The following ANXA8 variants were observed in gnomAD, a reference collection of about 807,000 sequenced individuals.
The protein encoded by ANXA8 is VAC-beta.
In ANXA8, 9 loss-of-function variants were observed where a neutral mutation model predicts 26.8. The observed-to-expected ratio is 0.34, with a 90% CI of 0.20 to 0.59. The LOEUF (loss-of-function observed/expected upper bound fraction) is 0.59. Ranked by LOEUF, ANXA8 falls within the 20% of genes least tolerant of loss-of-function variation. The pLI is 0.84. For synonymous variants in ANXA8, 39 were observed against 94.8 expected (o/e 0.41, Z 3.42); for missense variants, 83 against 238.5 (o/e 0.35, Z 4.29).
At chr10:47,975,915 A>AC in the ANXA8 span, among the ~76,000 whole-genome samples, 1 of 146,722 alleles carries the variant, frequency 6.8e-6, no homozygotes, top group Non-Finnish European at 1.5e-5. Context: ...ACTATGGAAT[A>AC]GAAAAAAACT....
the ANXA8 span, among the ~76,000 whole-genome samples, chr10:47,551,327 G>A: frequency 2.7e-4 from 41 of 150,936 alleles, no homozygotes; most frequent in Admixed American, 2.4e-3. Context: ...AAGGCTGCTG[G>A]AAGGATTTAG....
At chr10:47,698,836 A>T in the ANXA8 span, among the ~76,000 whole-genome samples, 263 of 151,936 alleles carry the variant, frequency 1.7e-3, 1 homozygote, top group South Asian at 6.8e-3. Flanking sequence ...CTCAAAAAAA[A>T]TTTTTTTCTT....
the ANXA8 span, among the ~76,000 whole-genome samples, chr10:47,533,220 CA>C: frequency 9.3e-4 from 132 of 141,806 alleles, 4 homozygotes; most frequent in African/African-American, 3.2e-3. Flanking sequence ...CACACACACA[CA>C]CACCCCCGCA....
the ANXA8 span, among the ~76,000 whole-genome samples, chr10:47,937,397 G>GT: frequency 2.0e-5 from 3 of 148,888 alleles, no homozygotes; most frequent in Non-Finnish European, 3.0e-5. Context: ...AGAGTCCATG[G>GT]TTTTTTTAAA....
chr10:47,623,733 CAT>C, the ANXA8 span, among the ~76,000 whole-genome samples: 1 of 110,310 alleles, frequency 9.1e-6, no homozygotes, highest in Non-Finnish European at 2.0e-5. Flanking sequence ...GCACTTATTT[CAT>C]ATCTCTTTTC....
chr10:47,513,565 A>G, the ANXA8 span, among the ~76,000 whole-genome samples: 3 of 141,330 alleles, frequency 2.1e-5, 1 homozygote, highest in Non-Finnish European at 1.5e-5. Context: ...CCAAACAAGA[A>G]CCGGCACAGC....
At chr10:47,951,830 A>AGG in the ANXA8 span, among the ~76,000 whole-genome samples, 2 of 149,362 alleles carry the variant, frequency 1.3e-5, no homozygotes, top group African/African-American at 5.0e-5. Flanking sequence ...AAAAAAAAAA[A>AGG]AAAAAAGGAA....
chr10:47,587,033 C>T, the ANXA8 span, among the ~76,000 whole-genome samples: 9 of 146,218 alleles, frequency 6.2e-5, no homozygotes, highest in Non-Finnish European at 1.2e-4. Flanking sequence ...GGTGAAATCC[C>T]GTCTCTACTA....
At chr10:47,956,600 A>G in the ANXA8 span, among the ~76,000 whole-genome samples, 1 of 150,392 alleles carries the variant, frequency 6.6e-6, no homozygotes, top group African/African-American at 2.5e-5. Flanking sequence ...TTTCTTTTTC[A>G]GGCTGGAGAC....
the ANXA8 span, among the ~76,000 whole-genome samples, chr10:47,706,002 G>GT: frequency 2.0e-5 from 3 of 150,436 alleles, no homozygotes; most frequent in South Asian, 4.2e-4. Flanking sequence ...TGGGCGTGTT[G>GT]TGGGGGGGGA....
At chr10:47,682,456 A>ATTTTTTCTTT in the ANXA8 span, among the ~76,000 whole-genome samples, 1 of 135,692 alleles carries the variant, frequency 7.4e-6, no homozygotes, top group African/African-American at 2.8e-5. Context: ...TATTCTTTTT[A>ATTTTTTCTTT]TTCTTTCTTT....
At chr10:47,951,446 G>A in the ANXA8 span, among the ~76,000 whole-genome samples, 3 of 149,918 alleles carry the variant, frequency 2.0e-5, no homozygotes, top group African/African-American at 7.5e-5. Flanking sequence ...TATGGGATCA[G>A]CATAATCCTG....
the ANXA8 span, among the ~76,000 whole-genome samples, chr10:47,907,183 G>A: frequency 2.2e-4 from 34 of 151,486 alleles, 2 homozygotes; most frequent in South Asian, 4.2e-4. Flanking sequence ...GTGAAACCCC[G>A]TCTCTACTAA....
At chr10:47,511,167 TCTC>T in the ANXA8 span, among the ~76,000 whole-genome samples, 6 of 135,088 alleles carry the variant, frequency 4.4e-5, no homozygotes, top group African/African-American at 1.5e-4. Flanking sequence ...ATGGTCTCGA[TCTC>T]CTCACCTCGT....
the ANXA8 span, among the ~76,000 whole-genome samples, chr10:47,652,816 C>T: frequency 6.8e-6 from 1 of 146,510 alleles, no homozygotes; most frequent in Non-Finnish European, 1.5e-5. Flanking sequence ...TCTGTTCTAC[C>T]TTAAAATTAG....
the ANXA8 span, among the ~76,000 whole-genome samples, chr10:47,495,792 C>G: frequency 6.6e-6 from 1 of 150,796 alleles, no homozygotes; most frequent in Non-Finnish European, 1.5e-5. Context: ...GCAGAACCAA[C>G]GCAGGAAGCC....
chr10:47,907,083 G>A, the ANXA8 span, among the ~76,000 whole-genome samples: 1 of 151,696 alleles, frequency 6.6e-6, no homozygotes, highest in East Asian at 1.9e-4. Context: ...CAGGCCGGGC[G>A]CGGTGGCTCA....
the ANXA8 span, among the ~76,000 whole-genome samples, chr10:47,506,494 C>T: frequency 2.1e-5 from 3 of 139,784 alleles, 1 homozygote; most frequent in African/African-American, 8.0e-5. Context: ...CCACGCCCAG[C>T]CATTTTTTGT....
chr10:47,675,207 G>T, the ANXA8 span, among the ~76,000 whole-genome samples: 1 of 144,698 alleles, frequency 6.9e-6, no homozygotes, highest in Non-Finnish European at 1.5e-5. Context: ...ATTTCTATAT[G>T]TATCCATCCG....
Sources: gnomAD v4.1 joint callset for allele counts (sites outside exome capture counted in the v4.1 genomes callset) on GRCh38, gnomAD v4.1.1 for gene constraint, MANE v1.5 for transcripts, NCBI Gene and HGNC (gene_info 2026-07-23, HGNC 2026-07-21) for gene names.